Variants in CC2D2A observed in about 807,000 individuals in gnomAD.
CC2D2A encodes coiled-coil and C2 domain-containing protein 2A.
Under a neutral mutation model 212.9 loss-of-function variants are expected in CC2D2A, and 155 were observed. The ratio of observed to expected loss-of-function variants is 0.73; its 90% confidence interval spans 0.64 to 0.83. The LOEUF (loss-of-function observed/expected upper bound fraction) is 0.83. CC2D2A is among the 40% of genes least tolerant of loss of function. The probability of loss-of-function intolerance (pLI) is 0.00; values close to 1 mark genes in which losing one functional copy is unlikely to be tolerated. For synonymous variants in CC2D2A, 667 were observed against 686.5 expected, an observed-to-expected ratio of 0.97 and a Z score of 0.44; for missense variants, 1,856 against 1,956.2, an observed-to-expected ratio of 0.95 and a Z score of 0.97.
chr4:15,496,925 A>C (rs181423125), intron 4 of CC2D2A, among the ~76,000 whole-genome samples: 2 of 152,298 alleles, frequency 1.3e-5, no homozygotes, highest in African/African-American at 4.8e-5. Flanking sequence ...AACACAAACA[A>C]ATGAAAAAAC....
intron 17 of CC2D2A, among the ~76,000 whole-genome samples, chr4:15,546,054 G>C (rs1469720881): frequency 6.6e-6 from 1 of 151,984 alleles, no homozygotes; most frequent in Non-Finnish European, 1.5e-5. Flanking sequence ...AGGCTGCAAT[G>C]AGCCATGATC....
intron 4 of CC2D2A, among the ~76,000 whole-genome samples, chr4:15,495,927 C>T (rs1376014633): frequency 6.6e-6 from 1 of 152,056 alleles, no homozygotes; most frequent in Non-Finnish European, 1.5e-5. Context: ...TAGTAATGGC[C>T]ATTTTGACTG....
At chr4:15,580,551 T>A (rs1720616270) in intron 30 of CC2D2A, among the ~76,000 whole-genome samples, 1 of 146,156 alleles carries the variant, frequency 6.8e-6, no homozygotes, top group Non-Finnish European at 1.5e-5. Flanking sequence ...GGCCTAAGAA[T>A]AGCTTGAACC....
intron 4 of CC2D2A, among the ~76,000 whole-genome samples, chr4:15,489,540 A>T (rs1321911572): frequency 6.6e-6 from 1 of 152,206 alleles, no homozygotes; most frequent in African/African-American, 2.4e-5. Context: ...CCAAGGCCGC[A>T]ATTAATCTGT....
chr4:15,497,193 T>C (rs763073302), intron 4 of CC2D2A, among the ~76,000 whole-genome samples: 7 of 152,156 alleles, frequency 4.6e-5, no homozygotes, highest in Non-Finnish European at 7.3e-5. Flanking sequence ...TAAAACAGCA[T>C]GGTACAGGTA....
chr4:15,593,053 T>A (rs1212095031), intron 33 of CC2D2A, among the ~76,000 whole-genome samples: 2 of 152,198 alleles, frequency 1.3e-5, no homozygotes, highest in Non-Finnish European at 2.9e-5. Flanking sequence ...TTGCCCTACA[T>A]TTCTATAAAT....
intron 4 of CC2D2A, among the ~76,000 whole-genome samples, chr4:15,499,386 T>C (rs1464986680): frequency 6.6e-6 from 1 of 152,186 alleles, no homozygotes; most frequent in Non-Finnish European, 1.5e-5. Flanking sequence ...TCTCTGCAAC[T>C]TCCCCTCAAC....
chr4:15,508,219 C>G (rs983074762), intron 6 of CC2D2A, among the ~76,000 whole-genome samples: 5 of 152,168 alleles, frequency 3.3e-5, no homozygotes, highest in Non-Finnish European at 7.3e-5. Flanking sequence ...GGGTTAAACT[C>G]TCTTGCCCAC....
At position 15,527,521 on chromosome 4, in the gene CC2D2A, T is replaced by G. The variant is rs1424402208; in HGVS notation, c.1224T>G (p.Ile408Met). ...CTCCTGGAAATTTCCAACTGGACAT[T>G]GATATTTCAGGGTTAATCTTCACTC... ...GDPPGNFQLD[I>M]DISGLIFTHH... Residue 408 changes from isoleucine (I) to methionine (M), a missense_variant, in exon 12 of 37, where the codon ATT (isoleucine) becomes ATG (methionine). This residue lies in a region of CC2D2A where 1,512 missense variants were observed against 1,579.3 expected (regional missense o/e 0.96). Transcript: ENST00000424120. 6.2e-7 allele frequency: 1 copy of G among 1,613,626 alleles called. No individual in the cohort carries two copies. Among genetic ancestry groups the G allele is most frequent in the Non-Finnish European group, 8.5e-7 (1 of 1,179,720 alleles).
chr4:15,507,677 A>G (rs1454564099), intron 6 of CC2D2A, among the ~76,000 whole-genome samples: 1 of 152,362 alleles, frequency 6.6e-6, no homozygotes, highest in East Asian at 1.9e-4. Context: ...CGTACCCTTC[A>G]TCCTAGAGGA....
intron 4 of CC2D2A, chr4:15,492,694 C>T: frequency 1.5e-6 from 1 of 688,986 alleles, no homozygotes. Flanking sequence ...TCCTTTCGTG[C>T]TCTCACTGGG....
chr4:15,530,112 C>T (rs1219112904), intron 13 of CC2D2A, among the ~76,000 whole-genome samples: 2 of 151,442 alleles, frequency 1.3e-5, no homozygotes, highest in African/African-American at 4.8e-5. Flanking sequence ...GCTGGGACTA[C>T]AGGCGCCCGC....
At chr4:15,482,731 TTTAA>T (rs1393332644) in intron 4 of CC2D2A, among the ~76,000 whole-genome samples, 19 of 152,258 alleles carry the variant, frequency 1.2e-4, no homozygotes, top group African/African-American at 4.6e-4. Context: ...CTACTGGATA[TTTAA>T]TTATTTATTT....
chr4:15,530,317 T>G (rs1021681597), intron 13 of CC2D2A, among the ~76,000 whole-genome samples: 9 of 152,134 alleles, frequency 5.9e-5, no homozygotes, highest in Non-Finnish European at 1.2e-4. Flanking sequence ...TAGCTATGAG[T>G]TGGAAATTCT....
At chr4:15,532,698 T>C (rs992314287) in intron 13 of CC2D2A, among the ~76,000 whole-genome samples, 1 of 152,236 alleles carries the variant, frequency 6.6e-6, no homozygotes, top group African/African-American at 2.4e-5. Flanking sequence ...CATTTGCAAA[T>C]GATGCCTCTT....
At chr4:15,587,693 G>A in intron 31 of CC2D2A, 123 bp from the exon 32 acceptor site, 1 of 488,826 alleles carries the variant, frequency 2.0e-6, no homozygotes, top group Non-Finnish European at 3.6e-6. Context: ...CAAAATTTCG[G>A]GCAAGATTAT....
chr4:15,515,551 T>A (rs914525386), intron 9 of CC2D2A, among the ~76,000 whole-genome samples: 2 of 152,216 alleles, frequency 1.3e-5, no homozygotes, highest in African/African-American at 4.8e-5. Context: ...CTGGCCCTAA[T>A]TCACCCAGCT....
intron 4 of CC2D2A, among the ~76,000 whole-genome samples, chr4:15,488,085 T>C (rs1054777474): frequency 2.0e-5 from 3 of 152,128 alleles, no homozygotes; most frequent in African/African-American, 7.2e-5. Flanking sequence ...AAGATATGAG[T>C]GATTTAAACA....
At chr4:15,480,856 G>A (rs976567185) in intron 4 of CC2D2A, 29 bp downstream of exon 4, 7 of 1,599,602 alleles carry the variant, frequency 4.4e-6, no homozygotes, top group Non-Finnish European at 5.1e-6. Flanking sequence ...TTCAGCTACT[G>A]CTTGTTAACT....
Sources: gnomAD v4.1 joint callset for allele counts (sites outside exome capture counted in the v4.1 genomes callset) on GRCh38, gnomAD v4.1.1 for gene constraint, gnomAD v4.1.1 regional missense constraint, MANE v1.5 for transcripts, NCBI Gene and HGNC (gene_info 2026-07-23, HGNC 2026-07-21) for gene names.